The following ANKRD30A variants were observed in gnomAD, a reference collection of about 807,000 sequenced individuals.
ANKRD30A encodes the protein ankyrin repeat domain 30A, also known as ankyrin repeat domain-containing protein 30A.
Under a neutral mutation model 166.3 loss-of-function variants are expected in ANKRD30A, and 170 were observed. The observed-to-expected ratio is 1.02, with a 90% CI of 0.90 to 1.16. ANKRD30A has a LOEUF of 1.16. ANKRD30A is among the 50% of genes most tolerant of loss of function. ANKRD30A has a pLI of 0.00. For missense variants in ANKRD30A, 1,630 were observed against 1,518.0 expected (o/e 1.07, Z -1.23); for synonymous variants, 564 against 508.9 (o/e 1.11, Z -1.46).
chr10:37,232,697 T>A (rs71493767), downstream of ANKRD30A: 82 of 78,374 alleles, frequency 1.0e-3, 2 homozygotes, highest in Non-Finnish European at 1.2e-3. Context: ...TATATATAAA[T>A]AGAGAGAGAG....
intron 11 of ANKRD30A, among the ~76,000 whole-genome samples, chr10:37,150,776 A>T (rs750121991): frequency 6.6e-6 from 1 of 152,160 alleles, no homozygotes; most frequent in Non-Finnish European, 1.5e-5. Flanking sequence ...ATAAATAAAA[A>T]TGAAAACATT....
rs559739251 is a variant in ANKRD30A at position 37,199,318 on chromosome 10, G to A, written c.2717-409G>A. 1.8e-4 allele frequency among the ~76,000 whole-genome samples: 28 copies of A among 152,094 alleles called. No homozygotes were observed. The South Asian group carries it at 3.9e-3, about 21-fold the overall frequency. On this transcript the variant is annotated intron_variant, in intron 29 of 35. Coordinates refer to ENST00000361713, the MANE Select transcript of ANKRD30A (RefSeq NM_052997.3). ...TAAATCATCTTTTTTGAAGAACTGC[G>A]TAATAGAGATTGCTGAGTCAATCAA...
At chr10:37,240,079 A>T in the ANKRD30A span, among the ~76,000 whole-genome samples, 1 of 152,126 alleles carries the variant, frequency 6.6e-6, no homozygotes. Flanking sequence ...TCATTAATTG[A>T]TAAGTACATC....
rs780988367 is a variant in ANKRD30A at position 37,219,807 on chromosome 10, C to T, written c.4095C>T (p.Leu1365=). Reference sequence around the variant, plus strand: ...TTGAGAGGAAAATGCAACATCATCTCCTAAAAGAGAAAAATGAGGAGATAT... The same window carrying T: ...TTGAGAGGAAAATGCAACATCATCTTCTAAAAGAGAAAAATGAGGAGATAT... ...HFLERKMQHH[L]LKEKNEEIFN... Residue 1365 remains leucine, a synonymous_variant, in exon 34 of 36, where the codon CTC becomes CTT. Transcript: ENST00000361713. The T allele has an allele frequency of 2.5e-6, 4 of 1,602,888 alleles. No homozygotes were observed. Among genetic ancestry groups the T allele is most frequent in the Non-Finnish European group, 3.4e-6 (4 of 1,173,958 alleles).
At position 37,219,436 on chromosome 10, in the gene ANKRD30A, A is replaced by T; in HGVS notation, c.3724A>T (p.Thr1242Ser). The stretch of plus-strand genomic sequence containing the variant: ...AAAAATGAATGTTGATGTGAGTAGT[A>T]CGATATATAACAATGAGGTGCTCCA... The part of the protein sequence containing the change: ...QRKMNVDVSS[T>S]IYNNEVLHQP... The change falls in exon 34 of 36, where the codon ACG becomes TCG. Residue 1242 changes from threonine (T) to serine (S), a missense_variant. Around this residue, in one of 4 missense-constraint regions of ANKRD30A, gnomAD observed 712 missense variants for 629.3 expected, o/e 1.13. Transcript: ENST00000361713. 1 of 1,610,422 alleles carries T rather than the reference A, an allele frequency of 6.2e-7. No individual in the cohort carries two copies. Among genetic ancestry groups the T allele is most frequent in the Non-Finnish European group, 8.5e-7 (1 of 1,177,690 alleles).
chr10:37,234,112 T>C (rs1049924083), downstream of ANKRD30A, among the ~76,000 whole-genome samples: 3 of 152,188 alleles, frequency 2.0e-5, no homozygotes, highest in Non-Finnish European at 2.9e-5. Context: ...GCCAGTGTTC[T>C]CTATGTTGAT....
chr10:37,217,623 G>A, intron 32 of ANKRD30A, 72 bp from the exon 33 acceptor site: 1 of 1,273,640 alleles, frequency 7.9e-7, no homozygotes, highest in Non-Finnish European at 1.1e-6. Context: ...CCCAATATAG[G>A]AAGAAATAGA....
intron 31 of ANKRD30A, among the ~76,000 whole-genome samples, chr10:37,202,164 C>G (rs144390920): frequency 1.5e-3 from 221 of 152,110 alleles, no homozygotes; most frequent in African/African-American, 5.0e-3. Context: ...CATTATGTTA[C>G]TTTTATTTTT....
the ANKRD30A span, chr10:37,248,213 C>G: frequency 1.6e-6 from 1 of 631,036 alleles, no homozygotes; most frequent in Non-Finnish European, 3.1e-6. Flanking sequence ...ACAAAATCAC[C>G]CAGAATGCCA....
At chr10:37,149,200 G>A (rs190030891) in intron 9 of ANKRD30A, among the ~76,000 whole-genome samples, 105 of 152,038 alleles carry the variant, frequency 6.9e-4, no homozygotes, top group African/African-American at 2.3e-3. Context: ...TATCCAAGCT[G>A]ATCAATTCAT....
At chr10:37,200,714 T>C (rs1464430580) in intron 30 of ANKRD30A, among the ~76,000 whole-genome samples, 4 of 152,150 alleles carry the variant, frequency 2.6e-5, no homozygotes, top group Non-Finnish European at 2.9e-5. Context: ...TTTAAGCCCT[T>C]GTTTATCAAA....
At chr10:37,159,197 G>T (rs531695555) in intron 15 of ANKRD30A, among the ~76,000 whole-genome samples, 1 of 152,206 alleles carries the variant, frequency 6.6e-6, no homozygotes, top group African/African-American at 2.4e-5. Context: ...ATTAGTTTTT[G>T]CTGTCATTCC....
At chr10:37,179,488 A>G (rs1840034002) in intron 24 of ANKRD30A, among the ~76,000 whole-genome samples, 3 of 150,596 alleles carry the variant, frequency 2.0e-5, no homozygotes, top group Admixed American at 1.3e-4. Context: ...TACTATTCCT[A>G]CATTATGGGA....
At position 37,190,624 on chromosome 10, in the gene ANKRD30A, A is replaced by C. The variant is rs1005444421; in HGVS notation, c.2512+1067A>C. 4.2e-4 allele frequency among the ~76,000 whole-genome samples: 64 copies of C among 151,772 alleles called. 1 individual carries two copies. Among genetic ancestry groups the C allele is most frequent in the Admixed American group, 1.1e-3 (17 of 15,254 alleles). On this transcript the variant is annotated intron_variant, in intron 25 of 35. Transcript: ENST00000361713. ...AGGCAGGAAGCAGGGGACAAGAGAG[A>C]ATCCAGCTAGATGATTTTGGATTTT...
intron 30 of ANKRD30A, among the ~76,000 whole-genome samples, chr10:37,200,725 A>C (rs1416070718): frequency 6.6e-6 from 1 of 152,120 alleles, no homozygotes; most frequent in Admixed American, 6.6e-5. Context: ...GTTTATCAAA[A>C]TAAAGCAGCT....
chr10:37,235,848 C>A (rs1339709040), downstream of ANKRD30A, among the ~76,000 whole-genome samples: 3 of 149,364 alleles, frequency 2.0e-5, no homozygotes, highest in Non-Finnish European at 4.4e-5. Context: ...CGGCTCACTG[C>A]AAACTCTGCC....
rs180942764 is a variant in ANKRD30A, at chr10:37,196,981, C to T, written c.2615-300C>T. Among the ~76,000 whole-genome samples the T allele has an allele frequency of 1.0e-3, 153 of 152,280 alleles. 1 individual carries two copies. The highest frequency in any genetic ancestry group is 3.4e-3 in the African/African-American group (143 of 41,558). ...CTAATGTGTTTCATTAAGTACGTGGCGTAGCATTCCATGTTCAGCTTTGAC... is the reference window on the plus strand; with the variant it reads ...CTAATGTGTTTCATTAAGTACGTGGTGTAGCATTCCATGTTCAGCTTTGAC... On this transcript the variant is annotated intron_variant, in intron 27 of 35. Coordinates refer to ENST00000361713, the MANE Select transcript of ANKRD30A (RefSeq NM_052997.3).
At chr10:37,239,837 T>A in the ANKRD30A span, among the ~76,000 whole-genome samples, 1 of 152,228 alleles carries the variant, frequency 6.6e-6, no homozygotes, top group Non-Finnish European at 1.5e-5. Flanking sequence ...AGGTATAGTC[T>A]CTGAAAGTAC....
rs967547489 is a variant in ANKRD30A at position 37,192,241 on chromosome 10, G to T, written c.2513-823G>T. On this transcript the variant is annotated intron_variant, in intron 25 of 35. Transcript: ENST00000361713. Reference sequence around the variant, plus strand: ...TAGTGGGGACAGTGTTTCTAAAATAGTGATTTTGGCCAGGCTGGTTTGGAA... The same window carrying T: ...TAGTGGGGACAGTGTTTCTAAAATATTGATTTTGGCCAGGCTGGTTTGGAA... 1.5e-4 allele frequency among the ~76,000 whole-genome samples: 23 copies of T among 151,984 alleles called. 1 individual carries two copies. Among genetic ancestry groups the T allele is most frequent in the African/African-American group, 4.8e-4 (20 of 41,422 alleles).
Sources: gnomAD v4.1 joint callset for allele counts (sites outside exome capture counted in the v4.1 genomes callset) on GRCh38, gnomAD v4.1.1 for gene constraint, gnomAD v4.1.1 regional missense constraint, MANE v1.5 for transcripts, NCBI Gene and HGNC (gene_info 2026-07-23, HGNC 2026-07-21) for gene names.